The following TMEM183A variants were observed in gnomAD, a reference collection of about 807,000 sequenced individuals.
The protein encoded by TMEM183A is chromosome 1 open reading frame 37.
Under a neutral mutation model 46.7 loss-of-function variants are expected in TMEM183A, and 21 were observed. That is an observed-to-expected ratio of 0.45 (90% CI 0.32 to 0.65). The LOEUF is 0.65. Ranked by LOEUF, TMEM183A falls within the 30% of genes least tolerant of loss-of-function variation. TMEM183A has a pLI of 0.04. For synonymous variants in TMEM183A, 165 were observed against 180.2 expected (o/e 0.92, Z 0.68); for missense variants, 331 against 481.9 (o/e 0.69, Z 2.93).
intron 3 of TMEM183A, among the ~76,000 whole-genome samples, chr1:203,011,835 C>T (rs1656625629): frequency 6.7e-6 from 1 of 148,340 alleles, no homozygotes. Flanking sequence ...TTCTACTTTA[C>T]CTCCATTAGG....
At chr1:203,017,544 C>A (rs1456033863) in intron 5 of TMEM183A, among the ~76,000 whole-genome samples, 1 of 152,084 alleles carries the variant, frequency 6.6e-6, no homozygotes, top group Non-Finnish European at 1.5e-5. Flanking sequence ...GATAGTAAGC[C>A]CAGGCCATCT....
At chr1:203,009,622 C>T (rs745794203) in intron 3 of TMEM183A, among the ~76,000 whole-genome samples, 1 of 152,114 alleles carries the variant, frequency 6.6e-6, no homozygotes, top group Non-Finnish European at 1.5e-5. Context: ...GCTGGGACTA[C>T]AGGTGCTATG....
At chr1:203,011,011 T>C (rs1227642327) in intron 3 of TMEM183A, among the ~76,000 whole-genome samples, 1 of 152,248 alleles carries the variant, frequency 6.6e-6, no homozygotes, top group Non-Finnish European at 1.5e-5. Flanking sequence ...TCATCCATAC[T>C]ATGCATGTAT....
chr1:203,020,983 T>C (rs1571624476), intron 7 of TMEM183A, 35 bp downstream of exon 7: 2 of 87,852 alleles, frequency 2.3e-5, no homozygotes, highest in African/African-American at 1.5e-4. Context: ...TCTCAGCTCC[T>C]TTTTTTTTTT....
At chr1:203,017,065 C>G (rs552410999) in intron 5 of TMEM183A, among the ~76,000 whole-genome samples, 166 of 152,204 alleles carry the variant, frequency 1.1e-3, no homozygotes, top group Non-Finnish European at 2.0e-3. Flanking sequence ...CTTTTGATTT[C>G]GAGATTATCG....
At chr1:203,010,546 G>C (rs1264157458) in intron 3 of TMEM183A, among the ~76,000 whole-genome samples, 2 of 152,176 alleles carry the variant, frequency 1.3e-5, no homozygotes, top group African/African-American at 4.8e-5. Context: ...CACTGGTCCT[G>C]AGCATTTCTG....
rs1341283738 is a variant in TMEM183A, at chr1:203,007,566, C to T, written c.101C>T (p.Ser34Phe). 2 of 1,547,654 alleles carry T rather than the reference C, an allele frequency of 1.3e-6. No individual in the cohort carries two copies. Among genetic ancestry groups the T allele is most frequent in the East Asian group, 2.4e-5 (1 of 42,132 alleles). ...AAGTTCCGGGCCCACGACGCCTGCT[C>T]CGGCCGAGGTGGGCGAGGGGGGCAG... ...RLKFRAHDACSGRVTVADYAN... is the reference protein window; with the variant it reads ...RLKFRAHDACFGRVTVADYAN... Residue 34 changes from serine (S) to phenylalanine (F), a missense_variant, in exon 1 of 8, where the codon TCC (serine) becomes TTC (phenylalanine). Ser to Phe is a radical substitution (Grantham distance 155). Transcript: ENST00000367242.
intron 6 of TMEM183A, among the ~76,000 whole-genome samples, chr1:203,019,677 A>G (rs1657483814): frequency 6.6e-6 from 1 of 152,164 alleles, no homozygotes; most frequent in South Asian, 2.1e-4. Context: ...GAGGAGCCTC[A>G]TGTATTTCTG....
In TMEM183A at chr1:203,016,025, G is replaced by A. The variant is rs754203775; in HGVS notation, c.593G>A (p.Cys198Tyr). Reference protein sequence around the residue: ...LRPESMEKLRCLRACVIRSLY... With the variant: ...LRPESMEKLRYLRACVIRSLY... ...CCAGAGTCAATGGAGAAGCTGCGCT[G>A]TCTCCGGGCTTGTGTGATCCGATCT... The change falls in exon 5 of 8, where the codon TGT (cysteine) becomes TAT (tyrosine). Residue 198 changes from cysteine to tyrosine, a missense_variant. Cys to Tyr is a radical substitution (Grantham distance 194). Around this residue, in one of 2 missense-constraint regions of TMEM183A, gnomAD observed 233 missense variants for 385.8 expected, o/e 0.60. Transcript: ENST00000367242. 2.5e-6 allele frequency: 4 copies of A among 1,614,062 alleles called. No homozygotes were observed. Among genetic ancestry groups the A allele is most frequent in the Non-Finnish European group, 8.5e-7 (1 of 1,179,920 alleles).
Position 203,024,480 on chromosome 1 carries a change from A to ATTTTTTTTTTTTTTTTT in TMEM183A, c.*1445_*1446insTTTTTTTTTTTTTTTTT, listed in dbSNP as rs111906628. On this transcript the variant is annotated 3_prime_UTR_variant, in exon 8 of 8. Coordinates refer to ENST00000367242, the MANE Select transcript of TMEM183A (RefSeq NM_138391.6). The stretch of plus-strand genomic sequence containing the variant: ...TTGTGAGGCAAACTGCTAAATTCAC[A>ATTTTTTTTTTTTTTTTT]TTTTTGTTTTTTTTTTTTTACCATC... 1 of 143,278 alleles carries ATTTTTTTTTTTTTTTTT rather than the reference A, an allele frequency of 7.0e-6. No individual in the cohort carries two copies. Among genetic ancestry groups the ATTTTTTTTTTTTTTTTT allele is most frequent in the African/African-American group, 2.5e-5 (1 of 39,268 alleles). The allele number at this position is 143,278 out of a possible 1,614,324, so 8.9% of individuals were successfully genotyped here.
intron 3 of TMEM183A, among the ~76,000 whole-genome samples, chr1:203,009,585 G>A (rs984865632): frequency 6.6e-6 from 1 of 152,090 alleles, no homozygotes; most frequent in African/African-American, 2.4e-5. Context: ...AGGCTTAAGC[G>A]ATCCCCCCAT....
Position 203,012,268 on chromosome 1 carries a change from C to CACACACACACACACACACACAT in TMEM183A, c.368-2611_368-2610insACACACACACATACACACACAC, listed in dbSNP as rs1212238460. On this transcript the variant is annotated intron_variant, in intron 3 of 7. Coordinates refer to ENST00000367242, the MANE Select transcript of TMEM183A (RefSeq NM_138391.6). Reference sequence around the variant, plus strand: ...ACACACACACACACACACACACACACACACACACACGGTTATTTTGAAACA... The same window carrying CACACACACACACACACACACAT: ...ACACACACACACACACACACACACACACACACACACACACACACACATACACACACACGGTTATTTTGAAACA... Among the ~76,000 whole-genome samples, 49 of 149,434 alleles carry CACACACACACACACACACACAT rather than the reference C, an allele frequency of 3.3e-4. 1 individual carries two copies. The South Asian group carries it at 4.1e-3, about 13-fold the overall frequency.
rs533354674 is a variant in TMEM183A at position 203,013,215 on chromosome 1, C to T, written c.368-1674C>T. Among the ~76,000 whole-genome samples the T allele has an allele frequency of 6.6e-6, 1 of 152,248 alleles. No homozygotes were observed. Among genetic ancestry groups the T allele is most frequent in the South Asian group, 2.1e-4 (1 of 4,822 alleles). On this transcript the variant is annotated intron_variant, in intron 3 of 7. Coordinates refer to ENST00000367242, the MANE Select transcript of TMEM183A (RefSeq NM_138391.6). This position sits in a 1 kb window ranked among gnomAD's most constrained non-coding sequence, Gnocchi z 4.0. ...TGTTGTGAAGAACCTAACCAAATAA[C>T]CTGATCTAATCATAGAGCTGTAGGA...
rs537819804 is a variant in TMEM183A, at chr1:203,014,375, G to A, written c.368-514G>A. Among the ~76,000 whole-genome samples the A allele has an allele frequency of 9.9e-4, 151 of 152,316 alleles. 1 individual carries two copies. Among genetic ancestry groups the A allele is most frequent in the African/African-American group, 3.5e-3 (145 of 41,588 alleles). On this transcript the variant is annotated intron_variant, in intron 3 of 7. Transcript: ENST00000367242. ...CCCAGCACTTTGGGAGGCCAAGGCG[G>A]GTGGATCACTTGAGGCCAGGAGTTC...
intron 3 of TMEM183A, among the ~76,000 whole-genome samples, chr1:203,009,278 G>A (rs535907393): frequency 1.3e-5 from 2 of 152,198 alleles, no homozygotes; most frequent in Admixed American, 1.3e-4. Flanking sequence ...TCTGCAATTA[G>A]TAATGTCTGC....
At chr1:203,012,291 A>ACGGC (rs1656732191) in intron 3 of TMEM183A, among the ~76,000 whole-genome samples, 1 of 134,948 alleles carries the variant, frequency 7.4e-6, no homozygotes, top group Non-Finnish European at 1.6e-5. Context: ...TTATTTTGAA[A>ACGGC]CAATTTCCAG....
At chr1:203,020,757 T>C (rs754640872) in intron 6 of TMEM183A, 36 bp from the exon 7 acceptor site, 1 of 1,613,330 alleles carries the variant, frequency 6.2e-7, no homozygotes, top group South Asian at 1.1e-5. Context: ...ATAATGTTTC[T>C]TCTAAGCCAT....
At chr1:203,010,965 T>A (rs1656517476) in intron 3 of TMEM183A, among the ~76,000 whole-genome samples, 1 of 152,266 alleles carries the variant, frequency 6.6e-6, no homozygotes, top group Admixed American at 6.5e-5. Flanking sequence ...GTCTTTTGCA[T>A]GTAGCTTCTT....
rs749115582 is a variant in TMEM183A at position 203,007,550 on chromosome 1, G to T, written c.85G>T (p.Ala29Ser). ...PKRGKRLKFR[A>S]HDACSGRVTV... ...GAGAGGAAAGCGACTCAAGTTCCGG[G>T]CCCACGACGCCTGCTCCGGCCGAGG... The change falls in exon 1 of 8, where the codon GCC becomes TCC. Residue 29 changes from alanine (A) to serine (S), a missense_variant. Ala to Ser is a moderately conservative substitution (Grantham distance 99). Around this residue, in one of 2 missense-constraint regions of TMEM183A, gnomAD observed 98 missense variants for 96.1 expected, o/e 1.02. Transcript: ENST00000367242. 483 of 1,547,816 alleles carry T rather than the reference G, an allele frequency of 3.1e-4. 1 individual carries two copies. Among genetic ancestry groups the T allele is most frequent in the Non-Finnish European group, 3.8e-4 (435 of 1,152,736 alleles).
Sources: gnomAD v4.1 joint callset for allele counts (sites outside exome capture counted in the v4.1 genomes callset) on GRCh38, gnomAD v4.1.1 for gene constraint, gnomAD v4.1.1 regional missense constraint, Gnocchi (gnomAD v3.1) non-coding constraint, MANE v1.5 for transcripts, NCBI Gene and HGNC (gene_info 2026-07-23, HGNC 2026-07-21) for gene names.